Variants in C1R observed in about 807,000 individuals in gnomAD.
C1R encodes complement C1r.
C1R carries 15 observed loss-of-function variants against 27.6 expected under a neutral mutation model. The ratio of observed to expected loss-of-function variants is 0.54; its 90% confidence interval spans 0.36 to 0.84. C1R has a LOEUF of 0.84. C1R is among the 40% of genes least tolerant of loss of function. The pLI is 0.01. For missense variants in C1R, 544 were observed against 577.9 expected, an observed-to-expected ratio of 0.94 and a Z score of 0.60; for synonymous variants, 253 against 228.8, an observed-to-expected ratio of 1.11 and a Z score of -0.95.
chr12:7,085,007 G>A (rs1938121661), intron 9 of C1R, among the ~76,000 whole-genome samples: 1 of 149,416 alleles, frequency 6.7e-6, no homozygotes, highest in African/African-American at 2.5e-5. Context: ...TGGTGGTGGT[G>A]ATGGTGGTGT....
At chr12:7,082,006 G>A in intron 10 of C1R, 26 bp downstream of exon 10, 2 of 1,534,090 alleles carry the variant, frequency 1.3e-6, no homozygotes, top group Non-Finnish European at 1.7e-6. Flanking sequence ...AGACCCTGAT[G>A]ATGGCCCCAG....
At chr12:7,089,223 G>A (rs1591590519) in intron 5 of C1R, 70 bp downstream of exon 5, 1 of 732,340 alleles carries the variant, frequency 1.4e-6, no homozygotes, top group Non-Finnish European at 2.5e-6. Context: ...CCAGGAGGAA[G>A]TTGGGACAAG....
At chr12:7,085,232 ATGG>A (rs1353356204) in intron 9 of C1R, among the ~76,000 whole-genome samples, 1 of 125,112 alleles carries the variant, frequency 8.0e-6, no homozygotes, top group South Asian at 2.6e-4. Flanking sequence ...GGTAGTGGTG[ATGG>A]TGGTGTTGGT....
chr12:7,085,231 GATGGTGGTGTTGGTA>G (rs1232261900), intron 9 of C1R, among the ~76,000 whole-genome samples: 1 of 151,276 alleles, frequency 6.6e-6, no homozygotes, highest in Non-Finnish European at 1.5e-5. Flanking sequence ...TGGTAGTGGT[GATGGTGGTGTTGGTA>G]ATGGTGGTGG....
rs940558579 is a variant in C1R, at chr12:7,080,481, T to G, written c.*51A>C. ...TCAACAACTGGTCAGTTGTTTTTTG[T>G]TTTTTTTTTTCCACACTGCTCTCTG... On this transcript the variant is annotated 3_prime_UTR_variant, in exon 11 of 11. Coordinates refer to ENST00000647956, the MANE Select transcript of C1R (RefSeq NM_001733.7). The surrounding 1 kb of genome is among the most constrained non-coding windows in gnomAD (Gnocchi z 4.9). 13 of 1,012,822 alleles carry G rather than the reference T, an allele frequency of 1.3e-5. No individual in the cohort carries two copies. Among genetic ancestry groups the G allele is most frequent in the East Asian group, 3.0e-5 (1 of 32,942 alleles). The allele number at this position is 1,012,822 out of a possible 1,614,324, so 62.7% of individuals were successfully genotyped here.
chr12:7,088,261 A>G lies in C1R; in HGVS notation c.1038+349T>C, dbSNP rs746570428. 4.6e-5 allele frequency among the ~76,000 whole-genome samples: 7 copies of G among 152,322 alleles called. No individual in the cohort carries two copies. The East Asian group carries it at 1.3e-3, about 29-fold the overall frequency. The stretch of plus-strand genomic sequence containing the variant: ...GTAGCTTTAAATAGTCTTGATGTTC[A>G]GGCTCTACTCTAGATCAATGGAATC... On this transcript the variant is annotated intron_variant, in intron 7 of 10. Coordinates refer to ENST00000647956, the MANE Select transcript of C1R (RefSeq NM_001733.7).
At chr12:7,085,619 T>C (rs1938145045) in intron 9 of C1R, among the ~76,000 whole-genome samples, 3 of 151,936 alleles carry the variant, frequency 2.0e-5, no homozygotes, top group Non-Finnish European at 2.9e-5. Context: ...GCAATGGTGG[T>C]AGTGGGGATG....
Position 7,089,455 on chromosome 12 carries a change from T to G in C1R, c.606A>C (p.Ser202=), listed in dbSNP as rs1327202789. The change falls in exon 5 of 11, where the codon TCA becomes TCC. Residue 202 remains serine, a synonymous_variant. Coordinates refer to ENST00000647956, the MANE Select transcript of C1R (RefSeq NM_001733.7). ...GGTACTCCAGGCTGGAGATGTAGCCTGATGCCTCCGTGTACAGCTCGCTGC... is the reference window on the plus strand; with the variant it reads ...GGTACTCCAGGCTGGAGATGTAGCCGGATGCCTCCGTGTACAGCTCGCTGC... ...ECSSELYTEA[S]GYISSLEYPR... 3 of 777,840 alleles carry G rather than the reference T, an allele frequency of 3.9e-6. No homozygotes were observed. Among genetic ancestry groups the G allele is most frequent in the Non-Finnish European group, 7.2e-6 (3 of 416,184 alleles). 48.2% of individuals were successfully genotyped at this position (777,840 alleles called of 1,614,324 possible).
At chr12:7,084,729 T>C (rs1938110356) in intron 9 of C1R, among the ~76,000 whole-genome samples, 1 of 149,938 alleles carries the variant, frequency 6.7e-6, no homozygotes, top group Non-Finnish European at 1.5e-5. Context: ...ACGATGGTGT[T>C]GGTGGTGGTG....
At position 7,088,758 on chromosome 12, in the gene C1R, T is replaced by G. The variant is rs766069782; in HGVS notation, c.917-27A>C. 15 of 776,782 alleles carry G rather than the reference T, an allele frequency of 1.9e-5. No individual in the cohort carries two copies. In the Admixed American group the frequency reaches 2.6e-4, roughly 13 times the overall value. The allele number at this position is 776,782 out of a possible 1,614,324, so 48.1% of individuals were successfully genotyped here. On this transcript the variant is annotated intron_variant, in intron 6 of 10. Transcript: ENST00000647956. ...TGTTGGGGAGACCAGGGGGCATATTTATTTCAGAGCCACTTGTCCTTCCTT... is the reference window on the plus strand; with the variant it reads ...TGTTGGGGAGACCAGGGGGCATATTGATTTCAGAGCCACTTGTCCTTCCTT...
At chr12:7,092,203 A>G in intron 1 of C1R, 184 bp downstream of exon 1, 1 of 658,254 alleles carries the variant, frequency 1.5e-6, no homozygotes, top group Non-Finnish European at 2.8e-6. Flanking sequence ...CTATGTATGA[A>G]GTCTCCTCTG....
Position 7,085,890 on chromosome 12 carries a change from G to A in C1R, c.1244C>T (p.Thr415Ile). 1 of 398,688 alleles carries A rather than the reference G, an allele frequency of 2.5e-6. No homozygotes were observed. Among genetic ancestry groups the A allele is most frequent in the Middle Eastern group, 6.3e-4 (1 of 1,588 alleles). 24.7% of individuals were successfully genotyped at this position (398,688 alleles called of 1,614,324 possible). A position where few individuals can be genotyped will look rare whatever the true frequency, so the allele number is the denominator to read the frequency against. ...YCHEPYYKMQ[T>I]RAGSRESEQG... The stretch of plus-strand genomic sequence containing the variant: ...CTCAGACTCCCTGCTGCCAGCTCTG[G>A]TCTGCATCTTGTAATATGGCTCATG... Residue 415 changes from threonine to isoleucine, a missense_variant, in exon 9 of 11, where the codon ACC becomes ATC. Transcript: ENST00000647956.
At position 7,080,651 on chromosome 12, in the gene C1R, G is replaced by T; in HGVS notation, c.1999C>A (p.Arg667Ser). Reference sequence around the variant, plus strand: ...GACACGATGCCCGTGGCCACCCAGCGATCAGTGTTCGGGTCCCTTACTGCA... The same window carrying T: ...GACACGATGCCCGTGGCCACCCAGCTATCAGTGTTCGGGTCCCTTACTGCA... ...VFAVRDPNTD[R>S]WVATGIVSWG... The change falls in exon 11 of 11, where the codon CGC (arginine) becomes AGC (serine). Residue 667 changes from arginine to serine, a missense_variant. Physicochemically the swap from Arg to Ser is moderately radical, Grantham distance 110 (BLOSUM62 -1). Around this residue, in one of 2 missense-constraint regions of C1R, gnomAD observed 253 missense variants for 368.9 expected, o/e 0.69. Coordinates refer to ENST00000647956, the MANE Select transcript of C1R (RefSeq NM_001733.7). The surrounding 1 kb of genome is among the most constrained non-coding windows in gnomAD (Gnocchi z 4.9). The T allele has an allele frequency of 1.2e-6, 2 of 1,613,844 alleles. No homozygotes were observed. The highest frequency in any genetic ancestry group is 8.5e-7 in the Non-Finnish European group (1 of 1,179,858).
At position 7,080,514 on chromosome 12, in the gene C1R, A is replaced by C; in HGVS notation, c.*18T>G. The stretch of plus-strand genomic sequence containing the variant: ...TTTCCACACTGCTCTCTGGATTCGA[A>C]CCTAGTGAATTCTGGGCTCAGTCCT... On this transcript the variant is annotated 3_prime_UTR_variant, in exon 11 of 11. Transcript: ENST00000647956. The surrounding 1 kb of genome is among the most constrained non-coding windows in gnomAD (Gnocchi z 4.9). The C allele has an allele frequency of 6.5e-7, 1 of 1,530,406 alleles. No homozygotes were observed. Among genetic ancestry groups the C allele is most frequent in the Non-Finnish European group, 8.8e-7 (1 of 1,139,898 alleles). 94.8% of individuals were successfully genotyped at this position (1,530,406 alleles called of 1,614,324 possible).
Position 7,089,065 on chromosome 12 carries a change from GGGT to G in C1R, c.769-82_769-80del, listed in dbSNP as rs901218235. 2.9e-4 allele frequency: 188 copies of G among 649,356 alleles called. 1 individual carries two copies. The highest frequency in any genetic ancestry group is 1.5e-3 in the African/African-American group (80 of 54,868). 40.2% of individuals were successfully genotyped at this position (649,356 alleles called of 1,614,324 possible). A position where few individuals can be genotyped will look rare whatever the true frequency, so the allele number is the denominator to read the frequency against. On this transcript the variant is annotated intron_variant, in intron 5 of 10. Coordinates refer to ENST00000647956, the MANE Select transcript of C1R (RefSeq NM_001733.7). ...CAACTGGGTAGTAGCCTGGTGGCCA[GGGT>G]GGTGGTGGTGGTGATGAAATCCTGC...
rs751803218 is a variant in C1R, at chr12:7,090,257, A to G, written c.232-9T>C. 8.3e-6 allele frequency: 6 copies of G among 723,932 alleles called. No individual in the cohort carries two copies. The highest frequency in any genetic ancestry group is 1.5e-5 in the Non-Finnish European group (6 of 387,488). 44.8% of individuals were successfully genotyped at this position (723,932 alleles called of 1,614,324 possible). A position where few individuals can be genotyped will look rare whatever the true frequency, so the allele number is the denominator to read the frequency against. On this transcript the variant is annotated splice_polypyrimidine_tract_variant and intron_variant, in intron 2 of 10. Transcript: ENST00000647956. Reference sequence around the variant, plus strand: ...TTCTTATCAGCAGAGATCTGGTGGAAGAAGGACAGGGGGTAGGAAGAAGAT... The same window carrying G: ...TTCTTATCAGCAGAGATCTGGTGGAGGAAGGACAGGGGGTAGGAAGAAGAT...
Position 7,080,794 on chromosome 12 carries a change from G to C in C1R, c.1856C>G (p.Ala619Gly). The C allele has an allele frequency of 6.2e-7, 1 of 1,613,968 alleles. No homozygotes were observed. The highest frequency in any genetic ancestry group is 8.5e-7 in the Non-Finnish European group (1 of 1,179,898). The change falls in exon 11 of 11, where the codon GCC becomes GGC. Residue 619 changes from alanine to glycine, a missense_variant. Physicochemically the swap from Ala to Gly is moderately conservative, Grantham distance 60. Transcript: ENST00000647956. The surrounding 1 kb of genome is among the most constrained non-coding windows in gnomAD (Gnocchi z 4.9). ...CTTTCCCCGGAGCCAGTTCTCACAG[G>C]CCTGTGGATTAGCTACGGGCAGACG... is the stretch of plus-strand genomic sequence containing the variant. ...FVRLPVANPQ[A>G]CENWLRGKNR...
At position 7,089,617 on chromosome 12, in the gene C1R, C is replaced by T; in HGVS notation, c.541G>A (p.Glu181Lys). The stretch of plus-strand genomic sequence containing the variant: ...CAGGAATGCCTGTCTTCCTGAAGCT[C>T]ATAGCCTGGACGGCAGGAACAGAAG... ...GYFCSCRPGY[E>K]LQEDRHSCQA... The change falls in exon 4 of 11, where the codon GAG (glutamate) becomes AAG (lysine). Residue 181 changes from glutamate to lysine, a missense_variant. This residue lies in a region of C1R where 291 missense variants were observed against 209.0 expected (regional missense o/e 1.39). Coordinates refer to ENST00000647956, the MANE Select transcript of C1R (RefSeq NM_001733.7). 2.6e-6 allele frequency: 2 copies of T among 780,946 alleles called. No individual in the cohort carries two copies. Among genetic ancestry groups the T allele is most frequent in the Non-Finnish European group, 4.8e-6 (2 of 417,992 alleles). The allele number at this position is 780,946 out of a possible 1,614,324, so 48.4% of individuals were successfully genotyped here.
At position 7,080,804 on chromosome 12, in the gene C1R, T is replaced by C. The variant is rs1282646030; in HGVS notation, c.1846A>G (p.Asn616Asp). 1 of 1,613,862 alleles carries C rather than the reference T, an allele frequency of 6.2e-7. No homozygotes were observed. The highest frequency in any genetic ancestry group is 8.5e-7 in the Non-Finnish European group (1 of 1,179,902). Residue 616 changes from asparagine (N) to aspartate (D), a missense_variant, in exon 11 of 11, where the codon AAT (asparagine) becomes GAT (aspartate). This residue lies in a region of C1R where 253 missense variants were observed against 368.9 expected (regional missense o/e 0.69). Transcript: ENST00000647956. This position sits in a 1 kb window ranked among gnomAD's most constrained non-coding sequence, Gnocchi z 4.9. ...AGCCAGTTCTCACAGGCCTGTGGAT[T>C]AGCTACGGGCAGACGGACAAACCTG... ...DLRFVRLPVA[N>D]PQACENWLRG... is the part of the protein sequence containing the mutation.
Sources: gnomAD v4.1 joint callset for allele counts (sites outside exome capture counted in the v4.1 genomes callset) on GRCh38, gnomAD v4.1.1 for gene constraint, gnomAD v4.1.1 regional missense constraint, Gnocchi (gnomAD v3.1) non-coding constraint, MANE v1.5 for transcripts, NCBI Gene and HGNC (gene_info 2026-07-23, HGNC 2026-07-21) for gene names.